KALRN: variants seen among roughly 807,000 people sequenced by gnomAD.
The protein encoded by KALRN is kalirin RhoGEF kinase, also known as kalirin.
A neutral mutation model predicts 353.7 loss-of-function variants in KALRN; 70 were observed. That is an observed-to-expected ratio of 0.20 (90% CI 0.16 to 0.24). The LOEUF is 0.24. Ranked by LOEUF, KALRN falls within the 10% of genes least tolerant of loss-of-function variation. KALRN has a pLI of 1.00. For missense variants in KALRN, 2,791 were observed against 3,756.7 expected, an observed-to-expected ratio of 0.74 and a Z score of 6.72; for synonymous variants, 1,391 against 1,434.8, an observed-to-expected ratio of 0.97 and a Z score of 0.69.
intron 3 of KALRN, among the ~76,000 whole-genome samples, chr3:124,251,482 A>G (rs1042533662): frequency 1.4e-5 from 2 of 147,084 alleles, no homozygotes; most frequent in African/African-American, 5.0e-5. Context: ...CTATCCTCCC[A>G]CCTCAGCCTC....
intron 1 of KALRN, among the ~76,000 whole-genome samples, chr3:124,218,516 C>A (rs1352568159): frequency 2.0e-5 from 3 of 152,188 alleles, no homozygotes; most frequent in Admixed American, 6.5e-5. Flanking sequence ...CATCCAACAG[C>A]AGTGCTTAAA....
At position 124,268,856 on chromosome 3, in the gene KALRN, C is replaced by A; in HGVS notation, c.570C>A (p.Leu190=). 3.1e-6 allele frequency: 5 copies of A among 1,614,138 alleles called. No individual in the cohort carries two copies. Among genetic ancestry groups the A allele is most frequent in the Non-Finnish European group, 4.2e-6 (5 of 1,180,032 alleles). The change falls in exon 5 of 60, where the codon CTC becomes CTA. Residue 190 remains leucine, a synonymous_variant. Coordinates refer to ENST00000682506, the MANE Select transcript of KALRN (RefSeq NM_001388419.1). ...ATGAGGAGTGGATCGAACTGCGGCTCTCCCTGGAGGAGTTCTTCAACAGCG... is the reference window on the plus strand; with the variant it reads ...ATGAGGAGTGGATCGAACTGCGGCTATCCCTGGAGGAGTTCTTCAACAGCG... The part of the protein sequence containing the change: ...YNHEEWIELR[L]SLEEFFNSAV...
chr3:124,372,424 T>C (rs2085959676), intron 10 of KALRN, among the ~76,000 whole-genome samples: 1 of 152,024 alleles, frequency 6.6e-6, no homozygotes, highest in South Asian at 2.1e-4. Context: ...CAAATGTGAA[T>C]TCCAGATCAA....
chr3:124,360,180 CA>C (rs1364074075), intron 10 of KALRN, among the ~76,000 whole-genome samples: 28 of 152,170 alleles, frequency 1.8e-4, no homozygotes. Context: ...TGCTGGGCTG[CA>C]ATTCAGAGGC....
intron 1 of KALRN, among the ~76,000 whole-genome samples, chr3:124,132,196 G>A (rs909316608): frequency 1.3e-5 from 2 of 152,082 alleles, no homozygotes; most frequent in South Asian, 4.1e-4. Context: ...CTGATGACTG[G>A]GTGCTGCCTG....
intron 3 of KALRN, among the ~76,000 whole-genome samples, chr3:124,241,640 G>A (rs951880256): frequency 9.9e-5 from 15 of 152,182 alleles, no homozygotes; most frequent in Admixed American, 2.6e-4. Flanking sequence ...CAGGTACACA[G>A]TAGATTCCAT....
At chr3:124,645,768 G>T (rs985226921) in intron 37 of KALRN, among the ~76,000 whole-genome samples, 3 of 151,926 alleles carry the variant, frequency 2.0e-5, no homozygotes, top group African/African-American at 7.2e-5. Flanking sequence ...TGAACATGGG[G>T]GTGCAGATGT....
In KALRN at chr3:124,273,443, C is replaced by CT. The variant is rs1241217677; in HGVS notation, c.969+4196dup. ...GAGCACATAAGCTCCTGTGTATTCA[C>CT]TTTTTTTTATTTTTAAAAGCAGGTT... On this transcript the variant is annotated intron_variant, in intron 5 of 59. Transcript: ENST00000682506. Among the ~76,000 whole-genome samples the CT allele has an allele frequency of 1.3e-4, 20 of 152,190 alleles. No individual in the cohort carries two copies. In the South Asian group the frequency reaches 1.9e-3, roughly 14 times the overall value.
intron 1 of KALRN, among the ~76,000 whole-genome samples, chr3:124,069,105 C>T (rs1577743869): frequency 6.6e-6 from 1 of 152,218 alleles, no homozygotes; most frequent in South Asian, 2.1e-4. Context: ...TGAGCATTTT[C>T]ACAAATATCT....
intron 1 of KALRN, among the ~76,000 whole-genome samples, chr3:124,090,679 G>A (rs1188974562): frequency 1.3e-5 from 2 of 152,172 alleles, no homozygotes. Flanking sequence ...GTACGCACTA[G>A]AATTCAAGAT....
intron 1 of KALRN, among the ~76,000 whole-genome samples, chr3:124,157,427 T>C (rs2069166172): frequency 6.6e-6 from 1 of 152,186 alleles, no homozygotes; most frequent in Non-Finnish European, 1.5e-5. Context: ...GAAACACCAA[T>C]CACTGCCAGG....
chr3:124,695,016 A>G (rs915267927), intron 53 of KALRN, among the ~76,000 whole-genome samples: 6 of 152,146 alleles, frequency 3.9e-5, no homozygotes, highest in African/African-American at 1.2e-4. Context: ...CCAGACCTGT[A>G]GTAAAAATGT....
chr3:124,366,617 C>CA, intron 10 of KALRN, among the ~76,000 whole-genome samples: 1 of 151,584 alleles, frequency 6.6e-6, no homozygotes, highest in East Asian at 1.9e-4. Context: ...TCTACACAGA[C>CA]ACGGCAACCA....
At chr3:124,392,414 T>C (rs2089532423) in intron 11 of KALRN, among the ~76,000 whole-genome samples, 1 of 152,160 alleles carries the variant, frequency 6.6e-6, no homozygotes, top group South Asian at 2.1e-4. Context: ...TTATCACAAC[T>C]CTCTGTGAGG....
chr3:124,431,021 A>C (rs1311258077), intron 16 of KALRN, among the ~76,000 whole-genome samples: 1 of 152,240 alleles, frequency 6.6e-6, no homozygotes, highest in Non-Finnish European at 1.5e-5. Context: ...TTTGTTACCT[A>C]TCAGTACCTT....
At chr3:124,398,554 AG>A (rs2090455960) in intron 12 of KALRN, 142 bp from the exon 13 acceptor site, 1 of 823,226 alleles carries the variant, frequency 1.2e-6, no homozygotes, top group African/African-American at 1.7e-5. Flanking sequence ...GGCTCACAGC[AG>A]GAGTTTGATA....
At chr3:124,386,811 T>C (rs2088409051) in intron 11 of KALRN, among the ~76,000 whole-genome samples, 1 of 152,220 alleles carries the variant, frequency 6.6e-6, no homozygotes, top group South Asian at 2.1e-4. Flanking sequence ...CAAAATATAT[T>C]ACATGAGTTT....
At chr3:124,464,024 A>C (rs2060097884) in intron 25 of KALRN, among the ~76,000 whole-genome samples, 1 of 152,198 alleles carries the variant, frequency 6.6e-6, no homozygotes, top group African/African-American at 2.4e-5. Context: ...TTCCAGATGT[A>C]GAAATATCAT....
chr3:124,253,872 A>C (rs942560004), intron 3 of KALRN, among the ~76,000 whole-genome samples: 1 of 152,168 alleles, frequency 6.6e-6, no homozygotes, highest in African/African-American at 2.4e-5. Flanking sequence ...AGAAATCTTC[A>C]TCCCCCTGAC....
Sources: allele counts gnomAD v4.1 joint callset (sites outside exome capture counted in the v4.1 genomes callset), GRCh38; gene constraint gnomAD v4.1.1; transcripts MANE v1.5; gene names NCBI Gene and HGNC (gene_info 2026-07-23, HGNC 2026-07-21).